Variants in SERPINI1 observed in about 807,000 individuals in gnomAD.
SERPINI1 encodes neuroserpin.
In SERPINI1, 19 loss-of-function variants were observed where a neutral mutation model predicts 41.1. The observed-to-expected ratio is 0.46, with a 90% confidence interval of 0.32 to 0.68. SERPINI1 has a LOEUF of 0.68. SERPINI1 is among the 30% of genes least tolerant of loss of function. SERPINI1 has a pLI of 0.03. For synonymous variants in SERPINI1, 138 were observed against 156.6 expected, an observed-to-expected ratio of 0.88 and a Z score of 0.89; for missense variants, 460 against 479.2, an observed-to-expected ratio of 0.96 and a Z score of 0.37.
At chr3:167,785,871 A>G (rs150519245) in intron 1 of SERPINI1, among the ~76,000 whole-genome samples, 4 of 152,378 alleles carry the variant, frequency 2.6e-5, no homozygotes, top group East Asian at 3.9e-4. Flanking sequence ...ACTGACAGAT[A>G]CAAGTATCAT....
intron 5 of SERPINI1, among the ~76,000 whole-genome samples, chr3:167,797,700 C>G (rs1376395290): frequency 1.3e-5 from 2 of 150,068 alleles, no homozygotes; most frequent in Admixed American, 6.7e-5. Flanking sequence ...CATTATAAGT[C>G]TATTCTTAAG....
rs544906097 is a variant in SERPINI1 at position 167,793,594 on chromosome 3, A to ATT, written c.676+811_676+812insTT. On this transcript the variant is annotated intron_variant, in intron 4 of 8. Transcript: ENST00000446050. ...TCTACAAATATATATATATATATAT[A>ATT]TATTTTTAATTAGCTAGGCATAATG... Among the ~76,000 whole-genome samples the ATT allele has an allele frequency of 3.0e-3, 315 of 106,422 alleles. 1 individual carries two copies. The highest frequency in any genetic ancestry group is 0.011 in the African/African-American group (299 of 26,708). 69.8% of individuals were successfully genotyped at this position (106,422 alleles called of 152,430 possible). A position where few individuals can be genotyped will look rare whatever the true frequency, so the allele number is the denominator to read the frequency against.
chr3:167,825,100 AGAGGAAGGAAGGAAGGACAG>A lies in SERPINI1; in HGVS notation c.1157-129_1157-110del, dbSNP rs545521041. 291 of 691,648 alleles carry A rather than the reference AGAGGAAGGAAGGAAGGACAG, an allele frequency of 4.2e-4. 1 individual carries two copies. Among genetic ancestry groups the A allele is most frequent in the Middle Eastern group, 2.1e-3 (6 of 2,836 alleles). The allele number at this position is 691,648 out of a possible 1,614,324, so 42.8% of individuals were successfully genotyped here. On this transcript the variant is annotated intron_variant, in intron 8 of 8. Transcript: ENST00000446050. ...GGAAAGGGAAAAGGAAGGAAGAGAGAGAGGAAGGAAGGAAGGACAGGAGGAAGGAAGGAAGGAAGGAAGGA... is the reference window on the plus strand; with the variant it reads ...GGAAAGGGAAAAGGAAGGAAGAGAGAGAGGAAGGAAGGAAGGAAGGAAGGA...
chr3:167,777,864 GGCTAT>G (rs539857822), intron 1 of SERPINI1, among the ~76,000 whole-genome samples: 161 of 152,268 alleles, frequency 1.1e-3, no homozygotes, highest in Non-Finnish European at 1.9e-3. Context: ...GAGGTGATTG[GGCTAT>G]GAGGGCTCTG....
intron 1 of SERPINI1, among the ~76,000 whole-genome samples, chr3:167,770,139 T>G (rs762183557): frequency 1.1e-4 from 16 of 151,992 alleles, no homozygotes; most frequent in Non-Finnish European, 2.2e-4. Flanking sequence ...TATATGTATG[T>G]GCCTATATGG....
chr3:167,811,976 A>G (rs985721685), intron 6 of SERPINI1, among the ~76,000 whole-genome samples: 3 of 152,190 alleles, frequency 2.0e-5, no homozygotes, highest in Non-Finnish European at 2.9e-5. Flanking sequence ...CAAAAATAGC[A>G]TATGTGATTT....
rs1300289148 is a variant in SERPINI1, at chr3:167,792,792, A to AT, written c.676+14dup. On this transcript the variant is annotated intron_variant, in intron 4 of 8. Transcript: ENST00000446050. ...AAGGAGAATTTTATTATGGTAAGAC[A>AT]TTTTTTGCTTTTATTTCTCTCTTCT... 6.2e-6 allele frequency: 10 copies of AT among 1,610,306 alleles called. No homozygotes were observed. The highest frequency in any genetic ancestry group is 8.5e-6 in the Non-Finnish European group (10 of 1,176,992).
chr3:167,754,605 C>T (rs929312090), intron 1 of SERPINI1, among the ~76,000 whole-genome samples: 1 of 152,136 alleles, frequency 6.6e-6, no homozygotes, highest in South Asian at 2.1e-4. Context: ...TTTTCACGTC[C>T]TTGGAACATA....
chr3:167,763,656 C>T (rs955648533), intron 1 of SERPINI1, among the ~76,000 whole-genome samples: 6 of 152,126 alleles, frequency 3.9e-5, no homozygotes, highest in Non-Finnish European at 8.8e-5. Flanking sequence ...GCTCGTTTTC[C>T]ACACTTGAGT....
intron 1 of SERPINI1, among the ~76,000 whole-genome samples, chr3:167,762,085 A>G (rs1223947637): frequency 1.3e-5 from 2 of 152,152 alleles, no homozygotes; most frequent in Non-Finnish European, 2.9e-5. Flanking sequence ...CCCATGTCCT[A>G]TTTCACAGAG....
intron 1 of SERPINI1, among the ~76,000 whole-genome samples, chr3:167,761,687 TAA>T (rs1726387368): frequency 6.6e-6 from 1 of 152,204 alleles, no homozygotes; most frequent in Admixed American, 6.5e-5. Context: ...CCCCATATGG[TAA>T]AACGTAGTTA....
chr3:167,750,686 A>G (rs1726014818), intron 1 of SERPINI1, among the ~76,000 whole-genome samples: 1 of 151,768 alleles, frequency 6.6e-6, no homozygotes. Context: ...AAGTACTATC[A>G]TAATTCTCAT....
At chr3:167,748,896 C>T (rs191865859) in intron 1 of SERPINI1, among the ~76,000 whole-genome samples, 18 of 151,938 alleles carry the variant, frequency 1.2e-4, no homozygotes, top group Admixed American at 1.1e-3. Flanking sequence ...CCTCTGTAGG[C>T]ATTTGGGTTT....
chr3:167,825,291 A>C lies in SERPINI1; in HGVS notation c.1201A>C (p.Asn401His), dbSNP rs780903060. Reference protein sequence around the residue: ...MGRVMHPETMNTSGHDFEEL With the variant: ...MGRVMHPETMHTSGHDFEEL The stretch of plus-strand genomic sequence containing the variant: ...ACGAGTCATGCATCCTGAAACAATG[A>C]ACACAAGTGGACATGATTTCGAAGA... The change falls in exon 9 of 9, where the codon AAC (asparagine) becomes CAC (histidine). Residue 401 changes from asparagine to histidine, a missense_variant. Physicochemically the swap from Asn to His is moderately conservative, Grantham distance 68. Transcript: ENST00000446050. 2.5e-6 allele frequency: 4 copies of C among 1,613,462 alleles called. No homozygotes were observed. In the Admixed American group the frequency reaches 6.7e-5, roughly 27 times the overall value.
chr3:167,739,599 CAG>C (rs1725602767), intron 1 of SERPINI1, among the ~76,000 whole-genome samples: 1 of 152,130 alleles, frequency 6.6e-6, no homozygotes, highest in African/African-American at 2.4e-5. Context: ...ATTTCACAGA[CAG>C]AAAAACCCAG....
intron 1 of SERPINI1, among the ~76,000 whole-genome samples, chr3:167,755,794 A>ATTT (rs34182780): frequency 1.6e-3 from 185 of 119,186 alleles, no homozygotes; most frequent in African/African-American, 3.3e-3. Context: ...GGTGTTGCTG[A>ATTT]TTTTTTTTTT....
At chr3:167,750,804 A>G (rs116761999) in intron 1 of SERPINI1, among the ~76,000 whole-genome samples, 1 of 152,150 alleles carries the variant, frequency 6.6e-6, no homozygotes, top group East Asian at 1.9e-4. Context: ...GTTCTGCAAT[A>G]TAATTATGAT....
intron 6 of SERPINI1, among the ~76,000 whole-genome samples, chr3:167,815,677 A>G (rs935729434): frequency 2.0e-5 from 3 of 152,172 alleles, no homozygotes; most frequent in Non-Finnish European, 4.4e-5. Context: ...GGTGTGAGCC[A>G]CTATGCCCGG....
chr3:167,759,400 G>GCATATA (rs1553771738), intron 1 of SERPINI1, among the ~76,000 whole-genome samples: 17 of 121,164 alleles, frequency 1.4e-4, no homozygotes, highest in African/African-American at 4.9e-4. Context: ...AGAAAATGTG[G>GCATATA]TATATATATA....
Sources: gnomAD v4.1 joint callset for allele counts (sites outside exome capture counted in the v4.1 genomes callset) on GRCh38, gnomAD v4.1.1 for gene constraint, MANE v1.5 for transcripts, NCBI Gene and HGNC (gene_info 2026-07-23, HGNC 2026-07-21) for gene names.